NTNG1: variants seen among roughly 807,000 people sequenced by gnomAD.
NTNG1 encodes the protein netrin G1.
In NTNG1, 16 loss-of-function variants were observed where a neutral mutation model predicts 54.0. That is an observed-to-expected ratio of 0.30 (90% CI 0.20 to 0.45). The LOEUF is 0.45. Among genes scored for constraint, NTNG1 ranks in the 20% least tolerant of loss-of-function variants. The pLI is 1.00. For missense variants in NTNG1, 530 were observed against 678.7 expected (o/e 0.78, Z 2.43); for synonymous variants, 255 against 263.1 (o/e 0.97, Z 0.30).
At chr1:107,209,409 C>T (rs1301321761) in intron 2 of NTNG1, among the ~76,000 whole-genome samples, 1 of 152,104 alleles carries the variant, frequency 6.6e-6, no homozygotes, top group African/African-American at 2.4e-5. Context: ...ATAGTGGCGA[C>T]TTAAGACAGT....
intron 2 of NTNG1, among the ~76,000 whole-genome samples, chr1:107,198,263 T>G (rs1658484369): frequency 6.6e-6 from 1 of 151,998 alleles, no homozygotes; most frequent in African/African-American, 2.4e-5. Flanking sequence ...TGCTCTTGGC[T>G]TGACTTCAAA....
At chr1:107,449,917 T>C (rs867811470) in intron 7 of NTNG1, among the ~76,000 whole-genome samples, 2 of 152,122 alleles carry the variant, frequency 1.3e-5, no homozygotes, top group Non-Finnish European at 2.9e-5. Context: ...AGGTTCCCAA[T>C]TACCATTTTT....
intron 3 of NTNG1, among the ~76,000 whole-genome samples, chr1:107,343,494 C>A (rs572030902): frequency 6.6e-6 from 1 of 151,930 alleles, no homozygotes; most frequent in East Asian, 1.9e-4. Flanking sequence ...TCTTGGCTTT[C>A]TTGACCCTAC....
chr1:107,252,541 G>A (rs1277486814), intron 2 of NTNG1, among the ~76,000 whole-genome samples: 12 of 152,070 alleles, frequency 7.9e-5, no homozygotes, highest in Admixed American at 7.9e-4. Flanking sequence ...TCTGCTTCTG[G>A]GTTCTTTCCC....
At chr1:107,260,467 T>C (rs1274455290) in intron 2 of NTNG1, among the ~76,000 whole-genome samples, 1 of 152,158 alleles carries the variant, frequency 6.6e-6, no homozygotes, top group East Asian at 1.9e-4. Flanking sequence ...GCTGTAGTCA[T>C]CACAACAGCC....
intron 3 of NTNG1, among the ~76,000 whole-genome samples, chr1:107,328,549 T>G (rs1331345794): frequency 6.6e-6 from 1 of 152,006 alleles, no homozygotes; most frequent in Non-Finnish European, 1.5e-5. Context: ...CTGAACATCT[T>G]TTTATACAGA....
chr1:107,361,374 CATAT>C (rs1553232701), intron 3 of NTNG1, among the ~76,000 whole-genome samples: 5 of 87,998 alleles, frequency 5.7e-5, no homozygotes, highest in Admixed American at 1.8e-4. Flanking sequence ...TATATATATA[CATAT>C]ATATATATAT....
intron 7 of NTNG1, among the ~76,000 whole-genome samples, chr1:107,448,794 T>C (rs979544835): frequency 3.3e-5 from 5 of 152,124 alleles, no homozygotes; most frequent in African/African-American, 1.2e-4. Flanking sequence ...CGAATCCAAA[T>C]CATATTAAAA....
chr1:107,317,295 T>G (rs1354754981), intron 2 of NTNG1, among the ~76,000 whole-genome samples: 1 of 152,166 alleles, frequency 6.6e-6, no homozygotes, highest in Non-Finnish European at 1.5e-5. Flanking sequence ...TTAACGTTTT[T>G]AAAATCTGTG....
intron 3 of NTNG1, among the ~76,000 whole-genome samples, chr1:107,362,985 G>T (rs1007495302): frequency 1.3e-5 from 2 of 152,076 alleles, no homozygotes; most frequent in African/African-American, 2.4e-5. Context: ...GCTTTTCCAT[G>T]GCTGGCTTTT....
chr1:107,444,426 C>T (rs1676183489), intron 7 of NTNG1, among the ~76,000 whole-genome samples: 1 of 152,102 alleles, frequency 6.6e-6, no homozygotes, highest in South Asian at 2.1e-4. Flanking sequence ...ACAGTAGCAT[C>T]ATATCCTAAA....
chr1:107,468,975 A>G (rs576355487), intron 7 of NTNG1, among the ~76,000 whole-genome samples: 1 of 151,994 alleles, frequency 6.6e-6, no homozygotes, highest in South Asian at 2.1e-4. Flanking sequence ...GCGCGCCTAT[A>G]ATCCCAGCTA....
At chr1:107,367,663 T>A (rs1351663134) in intron 3 of NTNG1, among the ~76,000 whole-genome samples, 1 of 152,152 alleles carries the variant, frequency 6.6e-6, no homozygotes, top group Non-Finnish European at 1.5e-5. Flanking sequence ...CATCCAAATT[T>A]CCCCTAGTCC....
intron 2 of NTNG1, among the ~76,000 whole-genome samples, chr1:107,205,957 A>G (rs1238328526): frequency 6.6e-6 from 1 of 152,190 alleles, no homozygotes; most frequent in Non-Finnish European, 1.5e-5. Flanking sequence ...AGGTTTTAAA[A>G]TTAATCTGCA....
chr1:107,172,846 T>G (rs1656354732), intron 2 of NTNG1, among the ~76,000 whole-genome samples: 1 of 152,150 alleles, frequency 6.6e-6, no homozygotes, highest in African/African-American at 2.4e-5. Flanking sequence ...AATAGGTACT[T>G]GGTAGAATCT....
At chr1:107,369,184 G>C (rs1418138643) in intron 3 of NTNG1, among the ~76,000 whole-genome samples, 1 of 152,036 alleles carries the variant, frequency 6.6e-6, no homozygotes, top group Non-Finnish European at 1.5e-5. Context: ...ACCAGTTTTT[G>C]GCTATTACAA....
intron 2 of NTNG1, among the ~76,000 whole-genome samples, chr1:107,278,660 T>C (rs975441956): frequency 2.6e-5 from 4 of 152,194 alleles, no homozygotes; most frequent in Admixed American, 2.6e-4. Flanking sequence ...TTAGACAATA[T>C]GTACTGATTC....
intron 2 of NTNG1, among the ~76,000 whole-genome samples, chr1:107,258,718 G>A (rs145942712): frequency 6.1e-4 from 93 of 152,254 alleles, no homozygotes; most frequent in Non-Finnish European, 1.0e-3. Flanking sequence ...ATCTCCACAG[G>A]GTACAATTGG....
intron 2 of NTNG1, among the ~76,000 whole-genome samples, chr1:107,184,106 A>C (rs1436257669): frequency 1.3e-5 from 2 of 152,114 alleles, no homozygotes; most frequent in Non-Finnish European, 2.9e-5. Flanking sequence ...TTCCCCCAAC[A>C]TTCCCAAAAT....
Sources: allele counts gnomAD v4.1 joint callset (sites outside exome capture counted in the v4.1 genomes callset), GRCh38; gene constraint gnomAD v4.1.1; transcripts MANE v1.5; gene names NCBI Gene and HGNC (gene_info 2026-07-23, HGNC 2026-07-21).